NKAIN2: variants seen among roughly 807,000 people sequenced by gnomAD.
NKAIN2 encodes the protein sodium/potassium transporting ATPase interacting 2.
Under a neutral mutation model 32.6 loss-of-function variants are expected in NKAIN2, and 14 were observed. The observed-to-expected ratio is 0.43, with a 90% CI of 0.28 to 0.67. The LOEUF (loss-of-function observed/expected upper bound fraction) is 0.67, where lower values mean the gene tolerates loss of function less well. Ranked by LOEUF, NKAIN2 falls within the 30% of genes least tolerant of loss-of-function variation. NKAIN2 has a pLI of 0.17. For synonymous variants in NKAIN2, 80 were observed against 87.2 expected, an observed-to-expected ratio of 0.92 and a Z score of 0.46; for missense variants, 198 against 258.3, an observed-to-expected ratio of 0.77 and a Z score of 1.60.
chr6:124,298,897 A>G (rs747449615), intron 2 of NKAIN2, among the ~76,000 whole-genome samples: 1 of 152,240 alleles, frequency 6.6e-6, no homozygotes, highest in African/African-American at 2.4e-5. Context: ...GCCTAGGGCT[A>G]ATGATGTATC....
chr6:124,251,378 C>A (rs1398216947), intron 1 of NKAIN2, among the ~76,000 whole-genome samples: 1 of 151,750 alleles, frequency 6.6e-6, no homozygotes, highest in East Asian at 1.9e-4. Context: ...TTTTATTCAT[C>A]AAAATATTTA....
At chr6:124,731,244 A>G (rs1289955973) in intron 4 of NKAIN2, among the ~76,000 whole-genome samples, 238 of 139,024 alleles carry the variant, frequency 1.7e-3, no homozygotes, top group Non-Finnish European at 2.1e-3. Flanking sequence ...TCATGCTGCT[A>G]TAAAGACACA....
intron 1 of NKAIN2, among the ~76,000 whole-genome samples, chr6:124,093,389 C>T (rs549183786): frequency 3.9e-5 from 6 of 152,198 alleles, no homozygotes; most frequent in East Asian, 1.9e-4. Context: ...TACTTTCTAG[C>T]GGTGTGACAT....
rs999979687 is a variant in NKAIN2, at chr6:124,688,943, G to A, written c.474+30557G>A. ...GAATAAAGCTGCTATAAAGGTCTGT[G>A]CACAGATTGTGGTGTGGATTTAAGT... is the stretch of plus-strand genomic sequence containing the variant. On this transcript the variant is annotated intron_variant, in intron 4 of 6. Coordinates refer to ENST00000368417, the MANE Select transcript of NKAIN2 (RefSeq NM_001040214.3). Among the ~76,000 whole-genome samples the A allele has an allele frequency of 5.3e-5, 8 of 152,224 alleles. 2 individuals carry two copies. The highest frequency in any genetic ancestry group is 2.6e-4 in the Admixed American group (4 of 15,256).
intron 3 of NKAIN2, among the ~76,000 whole-genome samples, chr6:124,557,956 T>A (rs1780537525): frequency 6.6e-6 from 1 of 152,214 alleles, no homozygotes; most frequent in Non-Finnish European, 1.5e-5. Context: ...AGTAATTACC[T>A]CAAACTTGCA....
rs1013159238 is a variant in NKAIN2 at position 124,061,830 on chromosome 6, G to A, written c.55-221175G>A. 3.3e-5 allele frequency among the ~76,000 whole-genome samples: 5 copies of A among 152,072 alleles called. No individual in the cohort carries two copies. The East Asian group carries it at 5.8e-4, about 18-fold the overall frequency. ...GAGCTTTTAAAAAATACTTTTTCACGTAAGAAAACTTAGAAATGATATCTG... is the reference window on the plus strand; with the variant it reads ...GAGCTTTTAAAAAATACTTTTTCACATAAGAAAACTTAGAAATGATATCTG... On this transcript the variant is annotated intron_variant, in intron 1 of 6. Transcript: ENST00000368417.
At chr6:124,811,723 T>C (rs1780910631) in intron 5 of NKAIN2, among the ~76,000 whole-genome samples, 1 of 152,156 alleles carries the variant, frequency 6.6e-6, no homozygotes, top group Non-Finnish European at 1.5e-5. Context: ...AAGAAAATGA[T>C]AGCATTCCAA....
intron 3 of NKAIN2, among the ~76,000 whole-genome samples, chr6:124,417,780 A>G (rs1026436504): frequency 6.6e-6 from 1 of 152,176 alleles, no homozygotes; most frequent in African/African-American, 2.4e-5. Flanking sequence ...GGAGTTGTCA[A>G]GTGAAAATTC....
Position 124,819,300 on chromosome 6 carries a change from T to C in NKAIN2, c.617+832T>C, listed in dbSNP as rs78243202. 885 of 158,614 alleles carry C rather than the reference T, an allele frequency of 5.6e-3. 7 individuals carry two copies. Among genetic ancestry groups the C allele is most frequent in the African/African-American group, 0.02 (848 of 41,718 alleles). 9.8% of individuals were successfully genotyped at this position (158,614 alleles called of 1,614,324 possible). ...TAGTGTGTAGGATAATAAATGGAGT[T>C]TGGGAGTAAGTATTGCTCCTCCAAA... On this transcript the variant is annotated intron_variant, in intron 6 of 6. Coordinates refer to ENST00000368417, the MANE Select transcript of NKAIN2 (RefSeq NM_001040214.3).
chr6:123,945,776 T>C (rs559639835), intron 1 of NKAIN2, among the ~76,000 whole-genome samples: 14 of 152,290 alleles, frequency 9.2e-5, no homozygotes, highest in African/African-American at 2.6e-4. Context: ...AATTCGTCAA[T>C]TGTGTCAAAT....
At chr6:124,124,150 T>G (rs1786031970) in intron 1 of NKAIN2, among the ~76,000 whole-genome samples, 1 of 152,222 alleles carries the variant, frequency 6.6e-6, no homozygotes, top group African/African-American at 2.4e-5. Flanking sequence ...TATTAATTTC[T>G]AATTTTAAAA....
chr6:124,502,705 G>GT (rs1307925438), intron 3 of NKAIN2, among the ~76,000 whole-genome samples: 2 of 151,950 alleles, frequency 1.3e-5, no homozygotes, highest in African/African-American at 4.8e-5. Flanking sequence ...TTTTTCAGAA[G>GT]TCTTTTTCTA....
At chr6:124,073,129 G>T (rs1582585839) in intron 1 of NKAIN2, among the ~76,000 whole-genome samples, 1 of 152,216 alleles carries the variant, frequency 6.6e-6, no homozygotes, top group South Asian at 2.1e-4. Context: ...GATGAACATT[G>T]CAGCCAATTC....
chr6:124,763,238 T>C (rs1359511345), intron 4 of NKAIN2, among the ~76,000 whole-genome samples: 1 of 152,194 alleles, frequency 6.6e-6, no homozygotes, highest in African/African-American at 2.4e-5. Flanking sequence ...GGTGACTATA[T>C]GTATAATATT....
chr6:124,086,315 G>A (rs1784189071), intron 1 of NKAIN2, among the ~76,000 whole-genome samples: 1 of 151,892 alleles, frequency 6.6e-6, no homozygotes, highest in African/African-American at 2.4e-5. Flanking sequence ...TTTCAGTAAA[G>A]GTTCAGTTGA....
chr6:123,879,951 G>C (rs575203073), intron 1 of NKAIN2, among the ~76,000 whole-genome samples: 1 of 152,238 alleles, frequency 6.6e-6, no homozygotes, highest in South Asian at 2.1e-4. Flanking sequence ...TGTTCTCCCT[G>C]GTGTCTTGGG....
At chr6:124,682,072 A>G (rs1773651527) in intron 4 of NKAIN2, among the ~76,000 whole-genome samples, 1 of 152,142 alleles carries the variant, frequency 6.6e-6, no homozygotes, top group Non-Finnish European at 1.5e-5. Context: ...ATTTACTTCA[A>G]GTTCCAAAAA....
chr6:124,459,893 T>C (rs1315817098), intron 3 of NKAIN2, among the ~76,000 whole-genome samples: 1 of 151,830 alleles, frequency 6.6e-6, no homozygotes, highest in Non-Finnish European at 1.5e-5. Flanking sequence ...TCATTACTGA[T>C]ATTAGTGACC....
chr6:124,298,638 G>T (rs1334971986), intron 2 of NKAIN2, among the ~76,000 whole-genome samples: 1 of 152,044 alleles, frequency 6.6e-6, no homozygotes, highest in Admixed American at 6.6e-5. Context: ...GGGATAAACA[G>T]AACTATAAAT....
Sources: gnomAD v4.1 joint callset for allele counts (sites outside exome capture counted in the v4.1 genomes callset) on GRCh38, gnomAD v4.1.1 for gene constraint, MANE v1.5 for transcripts, NCBI Gene and HGNC (gene_info 2026-07-23, HGNC 2026-07-21) for gene names.